Variants in CNEP1R1 observed in about 807,000 individuals in gnomAD.
The protein encoded by CNEP1R1 is nuclear envelope phosphatase-regulatory subunit 1.
In CNEP1R1, 10 loss-of-function variants were observed where a neutral mutation model predicts 22.7. The observed-to-expected ratio is 0.44, with a 90% CI of 0.27 to 0.75. The LOEUF (loss-of-function observed/expected upper bound fraction) is 0.75, where lower values mean the gene tolerates loss of function less well. Among genes scored for constraint, CNEP1R1 ranks in the 30% least tolerant of loss-of-function variants. The probability of loss-of-function intolerance (pLI) is 0.17; values close to 1 mark genes in which losing one functional copy is unlikely to be tolerated. For missense variants in CNEP1R1, 73 were observed against 151.5 expected, an observed-to-expected ratio of 0.48 and a Z score of 2.72; for synonymous variants, 53 against 50.1, an observed-to-expected ratio of 1.06 and a Z score of -0.25.
At chr16:50,033,309 TTATATA>T in intron 3 of CNEP1R1, 82 bp from the exon 4 acceptor site, 1 of 538,754 alleles carries the variant, frequency 1.9e-6, no homozygotes, top group Non-Finnish European at 3.3e-6. Context: ...ATAAAAAATA[TTATATA>T]TATTTATGTA....
chr16:50,035,200 AGAG>A lies in CNEP1R1; in HGVS notation c.337-213_337-211del, dbSNP rs1188803483. Among the ~76,000 whole-genome samples, 11 of 152,322 alleles carry A rather than the reference AGAG, an allele frequency of 7.2e-5. No homozygotes were observed. In the East Asian group the frequency reaches 1.4e-3, roughly 19 times the overall value. ...GACACCGTCTCTACAAAAAATGAAAAGAGGAGAAAAAAAGATGTATGTAGTATT... is the reference window on the plus strand; with the variant it reads ...GACACCGTCTCTACAAAAAATGAAAAGAGAAAAAAAGATGTATGTAGTATT... On this transcript the variant is annotated intron_variant, in intron 5 of 5. Transcript: ENST00000427478.
chr16:50,033,740 T>C (rs989835187), intron 4 of CNEP1R1, among the ~76,000 whole-genome samples: 2 of 151,300 alleles, frequency 1.3e-5, no homozygotes, highest in Non-Finnish European at 2.9e-5. Context: ...GGTCTGTGCC[T>C]GTAGTCCCAG....
chr16:50,030,864 G>T (rs150833317), intron 3 of CNEP1R1, among the ~76,000 whole-genome samples: 4 of 152,178 alleles, frequency 2.6e-5, no homozygotes, highest in African/African-American at 9.7e-5. Context: ...AACACTGAGG[G>T]ATCTCCCACT....
At chr16:50,025,738 C>G in intron 1 of CNEP1R1, 1 of 1,569,536 alleles carries the variant, frequency 6.4e-7, no homozygotes, top group South Asian at 1.1e-5. Context: ...AAGTTTAAAG[C>G]ACACCACTGC....
At position 50,025,251 on chromosome 16, in the gene CNEP1R1, G is replaced by A; in HGVS notation, c.-65G>A. The A allele has an allele frequency of 2.9e-6, 4 of 1,377,194 alleles. No homozygotes were observed. The highest frequency in any genetic ancestry group is 3.7e-6 in the Non-Finnish European group (4 of 1,069,256). 85.3% of individuals were successfully genotyped at this position (1,377,194 alleles called of 1,614,324 possible). A position where few individuals can be genotyped will look rare whatever the true frequency, so the allele number is the denominator to read the frequency against. On this transcript the variant is annotated 5_prime_UTR_variant, in exon 1 of 6. Transcript: ENST00000427478. ...GAGGTGGGAGTTGGCGCTGCGGGCCGGGCGGGGGCCGCGGAAGCTGCGATG... is the reference window on the plus strand; with the variant it reads ...GAGGTGGGAGTTGGCGCTGCGGGCCAGGCGGGGGCCGCGGAAGCTGCGATG...
intron 3 of CNEP1R1, among the ~76,000 whole-genome samples, chr16:50,032,921 C>T (rs1236739951): frequency 6.6e-6 from 1 of 151,678 alleles, no homozygotes; most frequent in African/African-American, 2.4e-5. Flanking sequence ...AGGAGAATTG[C>T]TTGAATCCTG....
At chr16:50,028,483 C>T (rs1189304909) in intron 2 of CNEP1R1, among the ~76,000 whole-genome samples, 2 of 152,090 alleles carry the variant, frequency 1.3e-5, no homozygotes, top group African/African-American at 4.8e-5. Flanking sequence ...TGTGAGAATT[C>T]TGGTTGGTCA....
Position 50,029,716 on chromosome 16 carries a change from T to C in CNEP1R1, c.98-9T>C. 1 of 1,587,692 alleles carries C rather than the reference T, an allele frequency of 6.3e-7. No individual in the cohort carries two copies. The highest frequency in any genetic ancestry group is 2.2e-5 in the East Asian group (1 of 44,592). ...TTTGCTTACTAATTTCGTGTTTATC[T>C]TTCATCAGTGCTTCTTATAGTGGTA... On this transcript the variant is annotated splice_polypyrimidine_tract_variant and intron_variant, in intron 2 of 5. Coordinates refer to ENST00000427478, the MANE Select transcript of CNEP1R1 (RefSeq NM_001281789.2).
chr16:50,033,651 C>T (rs2144282023), intron 4 of CNEP1R1, 145 bp downstream of exon 4: 1 of 424,068 alleles, frequency 2.4e-6, no homozygotes, highest in East Asian at 4.3e-5. Context: ...ATTTCCTGAG[C>T]TCAGGAGTTT....
At position 50,034,103 on chromosome 16, in the gene CNEP1R1, A is replaced by T. The variant is rs2036255708; in HGVS notation, c.283A>T (p.Ile95Leu). Residue 95 changes from isoleucine to leucine, a missense_variant and splice_region_variant, in exon 5 of 6, where the codon ATA (isoleucine) becomes TTA (leucine). Ile to Leu is a conservative substitution (Grantham distance 5). Transcript: ENST00000427478. ...IHKRVVAPSI[I>L]AARCRTVLAE... ...TTTCCTTTGACCACATGTATTCAGT[A>T]TAGCTGCTCGATGTCGAACGGTATT... 6 of 1,593,086 alleles carry T rather than the reference A, an allele frequency of 3.8e-6. No homozygotes were observed. Among genetic ancestry groups the T allele is most frequent in the Non-Finnish European group, 5.1e-6 (6 of 1,168,436 alleles).
chr16:50,035,461 A>G lies in CNEP1R1; in HGVS notation c.*3A>G, dbSNP rs771129348. 1.3e-6 allele frequency: 2 copies of G among 1,577,176 alleles called. No homozygotes were observed. Among genetic ancestry groups the G allele is most frequent in the South Asian group, 1.2e-5 (1 of 86,940 alleles). ...AACCTAGGCCTCATGTTCAATGACA[A>G]TCTTCACTCATTGTTATGGGACTTA... On this transcript the variant is annotated 3_prime_UTR_variant, in exon 6 of 6. Coordinates refer to ENST00000427478, the MANE Select transcript of CNEP1R1 (RefSeq NM_001281789.2).
At chr16:50,030,303 G>A (rs2036220557) in intron 3 of CNEP1R1, among the ~76,000 whole-genome samples, 1 of 152,116 alleles carries the variant, frequency 6.6e-6, no homozygotes, top group South Asian at 2.1e-4. Context: ...TCAGCCAAGT[G>A]TAGCATGCTG....
At chr16:50,031,366 A>G (rs1363902994) in intron 3 of CNEP1R1, among the ~76,000 whole-genome samples, 1 of 152,190 alleles carries the variant, frequency 6.6e-6, no homozygotes, top group Non-Finnish European at 1.5e-5. Flanking sequence ...TTTTATGTTA[A>G]TAGAGGATTT....
intron 1 of CNEP1R1, 139 bp downstream of exon 1, chr16:50,025,479 G>GT: frequency 8.9e-7 from 1 of 1,124,954 alleles, no homozygotes; most frequent in Non-Finnish European, 1.2e-6. Context: ...TTGGGGGCGC[G>GT]TAGGCGGCCG....
At chr16:50,034,710 G>C (rs2036260862) in intron 5 of CNEP1R1, 1 of 155,192 alleles carries the variant, frequency 6.4e-6, no homozygotes, top group African/African-American at 2.4e-5. Flanking sequence ...AGACCAGCCT[G>C]GGCAACATTA....
chr16:50,027,598 G>A (rs1437494369), intron 2 of CNEP1R1, among the ~76,000 whole-genome samples: 1 of 151,836 alleles, frequency 6.6e-6, no homozygotes, highest in Non-Finnish European at 1.5e-5. Context: ...AGGAGGTCGA[G>A]GCTGTAGTGA....
At chr16:50,035,138 G>A (rs1056271008) in intron 5 of CNEP1R1, among the ~76,000 whole-genome samples, 21 of 152,128 alleles carry the variant, frequency 1.4e-4, no homozygotes, top group African/African-American at 4.8e-4. Context: ...GATTGCTTGA[G>A]TCCAGGAGTT....
intron 2 of CNEP1R1, among the ~76,000 whole-genome samples, chr16:50,029,200 C>T (rs2036211598): frequency 6.6e-6 from 1 of 152,152 alleles, no homozygotes; most frequent in Non-Finnish European, 1.5e-5. Flanking sequence ...CCCTACCTTT[C>T]TTTAAGTCTC....
chr16:50,032,977 C>T (rs1241666552), intron 3 of CNEP1R1, among the ~76,000 whole-genome samples: 2 of 151,272 alleles, frequency 1.3e-5, no homozygotes, highest in Non-Finnish European at 2.9e-5. Context: ...TGCACTCCAG[C>T]CTGGGTGACA....
Sources: allele counts gnomAD v4.1 joint callset (sites outside exome capture counted in the v4.1 genomes callset), GRCh38; gene constraint gnomAD v4.1.1; transcripts MANE v1.5; gene names NCBI Gene and HGNC (gene_info 2026-07-23, HGNC 2026-07-21).